Variants in NAALADL2 observed in about 807,000 individuals in gnomAD.
The protein encoded by NAALADL2 is N-acetylated alpha-linked acidic dipeptidase like 2, also known as inactive N-acetylated-alpha-linked acidic dipeptidase-like protein 2.
In NAALADL2, 76 loss-of-function variants were observed where a neutral mutation model predicts 87.2. That is an observed-to-expected ratio of 0.87 (90% CI 0.72 to 1.05). The LOEUF (loss-of-function observed/expected upper bound fraction) is 1.05. Among genes scored for constraint, NAALADL2 ranks in the 50% least tolerant of loss-of-function variants. NAALADL2 has a pLI of 0.00. For synonymous variants in NAALADL2, 354 were observed against 331.0 expected (o/e 1.07, Z -0.75); for missense variants, 1,089 against 945.8 (o/e 1.15, Z -1.99).
At chr3:174,588,185 C>A (rs751952414) in intron 2 of NAALADL2, among the ~76,000 whole-genome samples, 1 of 152,154 alleles carries the variant, frequency 6.6e-6, no homozygotes, top group African/African-American at 2.4e-5. Context: ...CTTATGCATG[C>A]GTCACGTAGT....
chr3:174,872,474 G>T (rs546111672), intron 1 of NAALADL2, among the ~76,000 whole-genome samples: 1 of 152,262 alleles, frequency 6.6e-6, no homozygotes, highest in East Asian at 1.9e-4. Context: ...TTTTTGGCAA[G>T]TTGAGAACTC....
At chr3:174,574,952 G>T (rs1715364664) in intron 2 of NAALADL2, among the ~76,000 whole-genome samples, 1 of 151,950 alleles carries the variant, frequency 6.6e-6, no homozygotes, top group Non-Finnish European at 1.5e-5. Flanking sequence ...GTTTCGGGCT[G>T]TTATGAATGA....
intron 3 of NAALADL2, among the ~76,000 whole-genome samples, chr3:174,826,818 G>C (rs956996594): frequency 2.0e-5 from 3 of 152,102 alleles, no homozygotes; most frequent in African/African-American, 7.2e-5. Context: ...CATTCTAGGA[G>C]TATGGTGTTC....
chr3:175,009,768 A>G (rs1344007472), intron 1 of NAALADL2, among the ~76,000 whole-genome samples: 1 of 152,152 alleles, frequency 6.6e-6, no homozygotes, highest in Non-Finnish European at 1.5e-5. Flanking sequence ...CAAAAATTCA[A>G]TAGGAATATT....
At chr3:175,487,697 A>G (rs889730378) in intron 9 of NAALADL2, 9 of 326,732 alleles carry the variant, frequency 2.8e-5, no homozygotes, top group African/African-American at 1.9e-4. Flanking sequence ...AATTATTAGT[A>G]CAATGTCTTC....
At chr3:175,290,639 A>G (rs955592935) in intron 4 of NAALADL2, among the ~76,000 whole-genome samples, 18 of 152,124 alleles carry the variant, frequency 1.2e-4, no homozygotes, top group African/African-American at 4.3e-4. Context: ...TGAGGTTGCA[A>G]TTTTTTGAAT....
chr3:175,024,368 G>A (rs555407213), intron 1 of NAALADL2, among the ~76,000 whole-genome samples: 3 of 151,998 alleles, frequency 2.0e-5, no homozygotes, highest in Non-Finnish European at 2.9e-5. Flanking sequence ...AGAAAAAATG[G>A]AGACAATAAC....
chr3:175,501,982 G>A (rs776169523), intron 9 of NAALADL2, among the ~76,000 whole-genome samples: 6 of 152,006 alleles, frequency 3.9e-5, no homozygotes, highest in East Asian at 3.9e-4. Context: ...GATCAAAAGC[G>A]ATAGTAAGAT....
At chr3:175,120,778 A>G (rs1726033813) in intron 2 of NAALADL2, among the ~76,000 whole-genome samples, 1 of 151,664 alleles carries the variant, frequency 6.6e-6, no homozygotes, top group African/African-American at 2.4e-5. Context: ...CCCAAACAAA[A>G]CTTCAGTTGT....
rs79135436 is a variant in NAALADL2 at position 175,505,799 on chromosome 3, G to A, written c.1653+34041G>A. 4.4e-3 allele frequency among the ~76,000 whole-genome samples: 665 copies of A among 152,352 alleles called. 2 individuals carry two copies. The highest frequency in any genetic ancestry group is 6.4e-3 in the Non-Finnish European group (437 of 68,030). On this transcript the variant is annotated intron_variant, in intron 9 of 13. Transcript: ENST00000454872. ...GAGAAAGAGCAAAGTTTGAGGTATAGAGTAAGAACTATAAGAGGTGTAAGA... is the reference window on the plus strand; with the variant it reads ...GAGAAAGAGCAAAGTTTGAGGTATAAAGTAAGAACTATAAGAGGTGTAAGA...
At chr3:174,976,669 T>C (rs1318440865) in intron 1 of NAALADL2, among the ~76,000 whole-genome samples, 1 of 152,214 alleles carries the variant, frequency 6.6e-6, no homozygotes, top group Non-Finnish European at 1.5e-5. Flanking sequence ...ATTCTCTGCT[T>C]TAGAGAAACT....
chr3:175,748,508 T>C (rs1746217657), intron 12 of NAALADL2, among the ~76,000 whole-genome samples: 1 of 152,318 alleles, frequency 6.6e-6, no homozygotes, highest in Admixed American at 6.5e-5. Context: ...TATAAATCAG[T>C]GAAGTCTAAG....
At chr3:174,930,184 A>G (rs770554044) in intron 1 of NAALADL2, among the ~76,000 whole-genome samples, 1 of 152,190 alleles carries the variant, frequency 6.6e-6, no homozygotes, top group Non-Finnish European at 1.5e-5. Context: ...TTTAAAAAGT[A>G]TTAGAATTTG....
At position 175,206,995 on chromosome 3, in the gene NAALADL2, CT is replaced by C. The variant is rs1188964669; in HGVS notation, c.546-26935del. 3.3e-5 allele frequency among the ~76,000 whole-genome samples: 5 copies of C among 152,188 alleles called. 1 individual carries two copies. The highest frequency in any genetic ancestry group is 2.1e-4 in the South Asian group (1 of 4,822). On this transcript the variant is annotated intron_variant, in intron 2 of 13. Coordinates refer to ENST00000454872, the MANE Select transcript of NAALADL2 (RefSeq NM_207015.3). The stretch of plus-strand genomic sequence containing the variant: ...GTCACACTGGATGCTCACACATACA[CT>C]GGAGATACACACAGAAACACAAGTA...
intron 1 of NAALADL2, among the ~76,000 whole-genome samples, chr3:174,944,738 T>C (rs1408200356): frequency 6.6e-6 from 1 of 152,160 alleles, no homozygotes; most frequent in Non-Finnish European, 1.5e-5. Flanking sequence ...CTGAAGACCC[T>C]GGTGGAGTGG....
chr3:175,574,658 G>C (rs2149552078), intron 9 of NAALADL2, among the ~76,000 whole-genome samples: 1 of 152,242 alleles, frequency 6.6e-6, no homozygotes, highest in South Asian at 2.1e-4. Flanking sequence ...TCTCACTCTA[G>C]TAAGTCCACT....
In NAALADL2 at chr3:175,108,145, G is replaced by A. The variant is rs183233380; in HGVS notation, c.545+10854G>A. On this transcript the variant is annotated intron_variant, in intron 2 of 13. Coordinates refer to ENST00000454872, the MANE Select transcript of NAALADL2 (RefSeq NM_207015.3). The stretch of plus-strand genomic sequence containing the variant: ...TTGCTTTCCTGTGCAACATGATGTA[G>A]TAATGAATTAAATCCAAATGAGCCT... 2.1e-3 allele frequency among the ~76,000 whole-genome samples: 321 copies of A among 151,082 alleles called. 2 individuals are homozygous for A. Among genetic ancestry groups the A allele is most frequent in the African/African-American group, 7.3e-3 (299 of 41,190 alleles).
At chr3:175,233,087 T>C (rs1307798601) in intron 2 of NAALADL2, among the ~76,000 whole-genome samples, 1 of 152,174 alleles carries the variant, frequency 6.6e-6, no homozygotes, top group African/African-American at 2.4e-5. Flanking sequence ...CAACACAACA[T>C]TAATTTCCCA....
chr3:174,736,580 C>T (rs1325933566), intron 2 of NAALADL2, among the ~76,000 whole-genome samples: 1 of 152,060 alleles, frequency 6.6e-6, no homozygotes, highest in Non-Finnish European at 1.5e-5. Flanking sequence ...GGCAGGTTGT[C>T]CTGTCATCTC....
Sources: allele counts gnomAD v4.1 joint callset (sites outside exome capture counted in the v4.1 genomes callset), GRCh38; gene constraint gnomAD v4.1.1; transcripts MANE v1.5; gene names NCBI Gene and HGNC (gene_info 2026-07-23, HGNC 2026-07-21).